Variants in STK39 observed in about 807,000 individuals in gnomAD.
The protein encoded by STK39 is serine/threonine kinase 39.
Under a neutral mutation model 77.8 loss-of-function variants are expected in STK39, and 20 were observed. The observed-to-expected ratio is 0.26, with a 90% confidence interval of 0.18 to 0.37. The LOEUF (loss-of-function observed/expected upper bound fraction) is 0.37. STK39 is among the 10% of genes least tolerant of loss of function. The pLI is 1.00. For synonymous variants in STK39, 246 were observed against 234.1 expected (o/e 1.05, Z -0.47); for missense variants, 479 against 656.5 (o/e 0.73, Z 2.95).
At chr2:168,146,090 T>C (rs1379532648) in intron 5 of STK39, among the ~76,000 whole-genome samples, 1 of 152,250 alleles carries the variant, frequency 6.6e-6, no homozygotes, top group African/African-American at 2.4e-5. Context: ...GTTGGATTCC[T>C]AGTAGCAAGC....
At chr2:168,125,926 T>C (rs1464699596) in intron 10 of STK39, among the ~76,000 whole-genome samples, 7 of 152,210 alleles carry the variant, frequency 4.6e-5, no homozygotes, top group Non-Finnish European at 1.0e-4. Context: ...AGGGCAGCAC[T>C]GGTGGGCTCC....
intron 5 of STK39, among the ~76,000 whole-genome samples, chr2:168,148,765 T>C (rs964969572): frequency 2.0e-5 from 3 of 152,232 alleles, no homozygotes; most frequent in Non-Finnish European, 4.4e-5. Flanking sequence ...TGTGGGATCC[T>C]GATTCTAGTA....
intron 10 of STK39, among the ~76,000 whole-genome samples, chr2:168,094,476 C>T (rs1261584822): frequency 6.6e-6 from 1 of 151,556 alleles, no homozygotes. Context: ...GAAAAATCAC[C>T]CACTTGCACT....
At chr2:168,143,261 C>T (rs1559117998) in intron 5 of STK39, among the ~76,000 whole-genome samples, 1 of 152,222 alleles carries the variant, frequency 6.6e-6, no homozygotes, top group Non-Finnish European at 1.5e-5. Flanking sequence ...TGAATCCATC[C>T]ACTTCTTTGC....
intron 10 of STK39, among the ~76,000 whole-genome samples, chr2:168,125,220 CAA>C (rs375929537): frequency 7.1e-6 from 1 of 141,482 alleles, no homozygotes; most frequent in Non-Finnish European, 1.6e-5. Flanking sequence ...TTTTGATAAT[CAA>C]AAAAAAAAAG....
chr2:168,195,454 C>G (rs548517279), intron 1 of STK39, among the ~76,000 whole-genome samples: 14 of 152,250 alleles, frequency 9.2e-5, no homozygotes, highest in African/African-American at 3.1e-4. Context: ...CATTTGCTGC[C>G]AAGATAATTC....
chr2:168,012,093 T>G (rs182567045), intron 16 of STK39, among the ~76,000 whole-genome samples: 2 of 152,320 alleles, frequency 1.3e-5, no homozygotes, highest in Admixed American at 1.3e-4. Context: ...CTTTGTTATA[T>G]TTCCAATAAA....
At chr2:168,128,757 T>G (rs1255417355) in intron 10 of STK39, among the ~76,000 whole-genome samples, 5 of 152,246 alleles carry the variant, frequency 3.3e-5, no homozygotes, top group Admixed American at 3.3e-4. Flanking sequence ...CTTTGCCATT[T>G]TTATTTACAG....
At chr2:167,959,529 T>G (rs1691884244) in intron 17 of STK39, among the ~76,000 whole-genome samples, 1 of 152,120 alleles carries the variant, frequency 6.6e-6, no homozygotes, top group African/African-American at 2.4e-5. Context: ...CAGCTATTCT[T>G]TCAAGTAAAA....
At chr2:168,104,369 C>T (rs768852331) in intron 10 of STK39, among the ~76,000 whole-genome samples, 1 of 152,048 alleles carries the variant, frequency 6.6e-6, no homozygotes, top group African/African-American at 2.4e-5. Context: ...AGCAGGAACT[C>T]ACAACGAGAA....
At chr2:168,020,439 T>C (rs939062041) in intron 14 of STK39, among the ~76,000 whole-genome samples, 8 of 152,064 alleles carry the variant, frequency 5.3e-5, no homozygotes, top group Non-Finnish European at 1.2e-4. Context: ...ACTGAATATG[T>C]GTGAAAGAGT....
At chr2:168,030,533 A>G (rs1684810140) in intron 14 of STK39, among the ~76,000 whole-genome samples, 1 of 152,240 alleles carries the variant, frequency 6.6e-6, no homozygotes, top group Non-Finnish European at 1.5e-5. Flanking sequence ...ATTTAAAAGG[A>G]AAATGATCAC....
intron 10 of STK39, among the ~76,000 whole-genome samples, chr2:168,092,077 A>G (rs1013606390): frequency 1.3e-5 from 2 of 152,204 alleles, no homozygotes; most frequent in African/African-American, 4.8e-5. Context: ...ATCTATAACC[A>G]TTGTTGTCAG....
intron 16 of STK39, among the ~76,000 whole-genome samples, chr2:168,005,861 T>G (rs545764898): frequency 6.6e-6 from 1 of 152,200 alleles, no homozygotes; most frequent in Admixed American, 6.5e-5. Flanking sequence ...TGATTCTTCA[T>G]GTGCAGGAAA....
chr2:168,010,455 C>A (rs1320853489), intron 16 of STK39, among the ~76,000 whole-genome samples: 2 of 152,308 alleles, frequency 1.3e-5, no homozygotes, highest in East Asian at 3.9e-4. Context: ...TCTTTTTTCT[C>A]AGCTTCCCTC....
Position 168,247,327 on chromosome 2 carries a change from G to C in STK39, c.109C>G (p.Pro37Ala). Residue 37 changes from proline to alanine, a missense_variant, in exon 1 of 18, where the codon CCG (proline) becomes GCG (alanine). Physicochemically the swap from Pro to Ala is conservative, Grantham distance 27. Transcript: ENST00000355999. ...GGGGCCGGGGCCGCGGGAGCTGCCG[G>C]GGCCGGCGCTGCTGTCGCGGCCGCC... ...APAAATAAPA[P>A]AAPAAPAPAP... 2 of 982,790 alleles carry C rather than the reference G, an allele frequency of 2.0e-6. No homozygotes were observed. Among genetic ancestry groups the C allele is most frequent in the Non-Finnish European group, 2.5e-6 (2 of 810,038 alleles). The allele number at this position is 982,790 out of a possible 1,614,324, so 60.9% of individuals were successfully genotyped here. A position where few individuals can be genotyped will look rare whatever the true frequency, so the allele number is the denominator to read the frequency against.
intron 5 of STK39, among the ~76,000 whole-genome samples, chr2:168,145,875 C>G (rs1000114676): frequency 6.6e-6 from 1 of 151,994 alleles, no homozygotes; most frequent in African/African-American, 2.4e-5. Flanking sequence ...ACTGATTGTC[C>G]AAAGGGGTTA....
At chr2:168,156,945 A>C (rs1450035139) in intron 5 of STK39, among the ~76,000 whole-genome samples, 1 of 152,178 alleles carries the variant, frequency 6.6e-6, no homozygotes, top group Non-Finnish European at 1.5e-5. Flanking sequence ...ATAACTCTTA[A>C]ACCCCTACCC....
At chr2:168,063,648 C>A in intron 13 of STK39, 78 bp from the exon 14 acceptor site, 1 of 1,326,714 alleles carries the variant, frequency 7.5e-7, no homozygotes, top group South Asian at 1.3e-5. Context: ...TCACTTGATT[C>A]ATATAGCCAT....
Sources: allele counts gnomAD v4.1 joint callset (sites outside exome capture counted in the v4.1 genomes callset), GRCh38; gene constraint gnomAD v4.1.1; transcripts MANE v1.5; gene names NCBI Gene and HGNC (gene_info 2026-07-23, HGNC 2026-07-21).